The following ASCC3 variants were observed in gnomAD, a reference collection of about 807,000 sequenced individuals.
ASCC3 encodes the protein activating signal cointegrator 1 complex subunit 3.
In ASCC3, 158 loss-of-function variants were observed where a neutral mutation model predicts 256.3. That is an observed-to-expected ratio of 0.62 (90% CI 0.54 to 0.70). ASCC3 has a LOEUF of 0.70. Ranked by LOEUF, ASCC3 falls within the 30% of genes least tolerant of loss-of-function variation. ASCC3 has a pLI of 0.00. For missense variants in ASCC3, 2,259 were observed against 2,626.0 expected (o/e 0.86, Z 3.05); for synonymous variants, 948 against 883.4 (o/e 1.07, Z -1.30).
chr6:100,650,216 C>A (rs991040714), intron 20 of ASCC3, among the ~76,000 whole-genome samples: 2 of 151,420 alleles, frequency 1.3e-5, no homozygotes, highest in Non-Finnish European at 3.0e-5. Context: ...TTTATAAGTA[C>A]TTTATATTCT....
intron 8 of ASCC3, among the ~76,000 whole-genome samples, chr6:100,789,741 A>C (rs1322771988): frequency 6.6e-6 from 1 of 152,014 alleles, no homozygotes. Context: ...TGAAGGAACA[A>C]GCAAAACATT....
Position 100,540,277 on chromosome 6 carries a change from A to G in ASCC3, c.5661T>C (p.Pro1887=). The change falls in exon 37 of 42, where the codon CCT becomes CCC. Residue 1887 remains proline, a synonymous_variant. Coordinates refer to ENST00000369162, the MANE Select transcript of ASCC3 (RefSeq NM_006828.4). ...IESNPHSFDS[P]HTKAHLLLQA... The stretch of plus-strand genomic sequence containing the variant: ...GTAGCAGGAGATGTGCTTTGGTGTG[A>G]GGGCTGTCAAATGAATGAGGATTTG... 6.2e-7 allele frequency: 1 copy of G among 1,613,876 alleles called. No individual in the cohort carries two copies. The highest frequency in any genetic ancestry group is 1.1e-5 in the South Asian group (1 of 91,056).
intron 17 of ASCC3, among the ~76,000 whole-genome samples, chr6:100,653,361 C>T (rs971537007): frequency 2.0e-5 from 3 of 151,982 alleles, no homozygotes; most frequent in Admixed American, 1.3e-4. Context: ...GTTATCCGGC[C>T]GGGCACAGTG....
intron 25 of ASCC3, among the ~76,000 whole-genome samples, chr6:100,632,601 G>A (rs1582600379): frequency 6.6e-6 from 1 of 152,206 alleles, no homozygotes; most frequent in East Asian, 1.9e-4. Flanking sequence ...TAACAGTGTG[G>A]AAGTATGGAC....
intron 37 of ASCC3, among the ~76,000 whole-genome samples, chr6:100,535,667 C>T (rs1275189640): frequency 1.3e-5 from 2 of 151,960 alleles, no homozygotes; most frequent in Non-Finnish European, 2.9e-5. Context: ...TGGGGTTTCA[C>T]CATCTTGGCC....
At chr6:100,548,126 C>G (rs1479324246) in intron 36 of ASCC3, among the ~76,000 whole-genome samples, 1 of 150,854 alleles carries the variant, frequency 6.6e-6, no homozygotes, top group Non-Finnish European at 1.5e-5. Context: ...GAACAGCAAA[C>G]AGATTACTAG....
At chr6:100,654,370 A>T (rs981525371) in intron 17 of ASCC3, among the ~76,000 whole-genome samples, 1 of 151,874 alleles carries the variant, frequency 6.6e-6, no homozygotes, top group Non-Finnish European at 1.5e-5. Flanking sequence ...AGGTCTTTAT[A>T]CTGGAAAATG....
intron 10 of ASCC3, among the ~76,000 whole-genome samples, chr6:100,731,397 C>A (rs6925823): frequency 0.48 from 73,235 of 151,966 alleles, 17,671 homozygotes; most frequent in South Asian, 0.68. Flanking sequence ...TACTTTGTTA[C>A]CCTGAAACCT....
chr6:100,852,816 C>T (rs1053628184), intron 3 of ASCC3, among the ~76,000 whole-genome samples: 2 of 152,036 alleles, frequency 1.3e-5, no homozygotes, highest in Admixed American at 1.3e-4. Flanking sequence ...AAGCTGTAAA[C>T]CGGAAAACTG....
intron 13 of ASCC3, among the ~76,000 whole-genome samples, chr6:100,691,152 T>G (rs1054996775): frequency 2.0e-5 from 3 of 152,030 alleles, no homozygotes; most frequent in Admixed American, 6.6e-5. Context: ...ATACAAGTAG[T>G]CATATTTCTA....
chr6:100,696,108 T>C (rs1372311096), intron 13 of ASCC3, among the ~76,000 whole-genome samples: 1 of 152,158 alleles, frequency 6.6e-6, no homozygotes, highest in Non-Finnish European at 1.5e-5. Context: ...TACTCAATTA[T>C]AAAACAAAGA....
At chr6:100,853,291 G>T (rs1404954760) in intron 3 of ASCC3, among the ~76,000 whole-genome samples, 1 of 152,088 alleles carries the variant, frequency 6.6e-6, no homozygotes, top group Non-Finnish European at 1.5e-5. Flanking sequence ...TTAAGTGGTT[G>T]TAAGTTGTCA....
chr6:100,701,186 T>C (rs755172214), intron 13 of ASCC3, among the ~76,000 whole-genome samples: 75 of 152,228 alleles, frequency 4.9e-4, no homozygotes, highest in Non-Finnish European at 7.5e-4. Context: ...GCTTGATCTA[T>C]GTTGAATCTT....
chr6:100,832,807 A>C (rs1245844349), intron 4 of ASCC3, among the ~76,000 whole-genome samples: 2 of 152,124 alleles, frequency 1.3e-5, no homozygotes, highest in Non-Finnish European at 2.9e-5. Flanking sequence ...TGATAAACCC[A>C]AAAGCTTAGA....
At chr6:100,862,388 T>C (rs150833467) in intron 3 of ASCC3, among the ~76,000 whole-genome samples, 2 of 152,292 alleles carry the variant, frequency 1.3e-5, no homozygotes, top group East Asian at 3.9e-4. Flanking sequence ...AATATCATAC[T>C]GGGTTACAGA....
intron 36 of ASCC3, among the ~76,000 whole-genome samples, chr6:100,554,231 G>A (rs1562114569): frequency 6.6e-6 from 1 of 152,086 alleles, no homozygotes; most frequent in Non-Finnish European, 1.5e-5. Context: ...ATGAATGTTG[G>A]TTGAGTGTGT....
chr6:100,858,657 A>C (rs1296829910), intron 3 of ASCC3: 1 of 1,001,976 alleles, frequency 1.0e-6, no homozygotes, highest in African/African-American at 1.7e-5. Flanking sequence ...TCACACACAC[A>C]CATCATGTGT....
chr6:100,771,865 A>AG (rs1781944244), intron 8 of ASCC3, among the ~76,000 whole-genome samples: 2 of 129,500 alleles, frequency 1.5e-5, no homozygotes. Context: ...ACAATCTGCA[A>AG]GTTTTTTTTT....
At chr6:100,707,001 A>C (rs1778618125) in intron 13 of ASCC3, among the ~76,000 whole-genome samples, 1 of 152,152 alleles carries the variant, frequency 6.6e-6, no homozygotes, top group Non-Finnish European at 1.5e-5. Context: ...CACTAGAAGC[A>C]AATTTCAACT....
Sources: allele counts gnomAD v4.1 joint callset (sites outside exome capture counted in the v4.1 genomes callset), GRCh38; gene constraint gnomAD v4.1.1; transcripts MANE v1.5; gene names NCBI Gene and HGNC (gene_info 2026-07-23, HGNC 2026-07-21).